Variants in ARL6IP6 observed in about 807,000 individuals in gnomAD.
ARL6IP6 encodes ARF like GTPase 6 interacting protein 6.
Under a neutral mutation model 21.5 loss-of-function variants are expected in ARL6IP6, and 22 were observed. That is an observed-to-expected ratio of 1.02 (90% CI 0.73 to 1.46). The LOEUF is 1.46. Ranked by LOEUF, ARL6IP6 falls within the 40% of genes most tolerant of loss-of-function variation. ARL6IP6 has a pLI of 0.00. For synonymous variants in ARL6IP6, 164 were observed against 125.3 expected, an observed-to-expected ratio of 1.31 and a Z score of -2.06; for missense variants, 388 against 299.8, an observed-to-expected ratio of 1.29 and a Z score of -2.17.
intron 3 of ARL6IP6, among the ~76,000 whole-genome samples, chr2:152,745,267 A>G (rs995877491): frequency 5.9e-5 from 9 of 152,180 alleles, no homozygotes; most frequent in African/African-American, 1.2e-4. Context: ...GTTGAATCAT[A>G]ATATGCAATT....
intron 2 of ARL6IP6, 86 bp downstream of exon 2, chr2:152,720,672 C>T: frequency 8.3e-7 from 1 of 1,200,172 alleles, no homozygotes; most frequent in Non-Finnish European, 1.2e-6. Flanking sequence ...GGATAAAATA[C>T]TTAATGTATT....
Position 152,746,798 on chromosome 2 carries a change from T to C in ARL6IP6, c.587+11672T>C, listed in dbSNP as rs190499386. On this transcript the variant is annotated intron_variant, in intron 3 of 3. Transcript: ENST00000326446. ...GTTATCTTTTCTTGGATAATTGTTA[T>C]TTATCCTGAGATTTTATCCTTTCTT... Among the ~76,000 whole-genome samples, 343 of 150,990 alleles carry C rather than the reference T, an allele frequency of 2.3e-3. 1 individual carries two copies. Among genetic ancestry groups the C allele is most frequent in the African/African-American group, 7.7e-3 (316 of 41,228 alleles).
chr2:152,730,356 A>C (rs1174692992), intron 2 of ARL6IP6, among the ~76,000 whole-genome samples: 4 of 152,158 alleles, frequency 2.6e-5, no homozygotes, highest in Admixed American at 2.6e-4. Flanking sequence ...GTTCTATAGC[A>C]GTCCCCAAAC....
chr2:152,751,063 T>A (rs1226584977), intron 3 of ARL6IP6, among the ~76,000 whole-genome samples: 2 of 152,226 alleles, frequency 1.3e-5, no homozygotes, highest in Admixed American at 1.3e-4. Flanking sequence ...CTTGTTTTTT[T>A]CTTTTACCTC....
chr2:152,743,808 G>C (rs1700924197), intron 3 of ARL6IP6, among the ~76,000 whole-genome samples: 1 of 152,148 alleles, frequency 6.6e-6, no homozygotes, highest in African/African-American at 2.4e-5. Context: ...ATAAAAGTAA[G>C]ATTTCTGGTG....
In ARL6IP6 at chr2:152,722,865, G is replaced by C. The variant is rs146282010; in HGVS notation, c.454+2279G>C. ...GGAGGTTGCAGTGAGCCAAGATTGC[G>C]CCACTGCATTCCATCCTCAGCAACA... On this transcript the variant is annotated intron_variant, in intron 2 of 3. Transcript: ENST00000326446. Among the ~76,000 whole-genome samples, 1,368 of 152,248 alleles carry C rather than the reference G, an allele frequency of 9.0e-3. 19 individuals are homozygous for C. The highest frequency in any genetic ancestry group is 0.031 in the African/African-American group (1,307 of 41,536).
At chr2:152,720,225 T>C (rs1431381296) in intron 1 of ARL6IP6, 2 of 394,224 alleles carry the variant, frequency 5.1e-6, no homozygotes, top group Non-Finnish European at 9.5e-6. Flanking sequence ...CATTGAACTG[T>C]GCTTATTTGG....
intron 2 of ARL6IP6, among the ~76,000 whole-genome samples, chr2:152,726,243 A>G (rs1392303329): frequency 2.0e-5 from 3 of 152,182 alleles, no homozygotes; most frequent in African/African-American, 7.2e-5. Context: ...TTAATCTGTC[A>G]GAGGATCACC....
rs143136872 is a variant in ARL6IP6, at chr2:152,751,883, A to G, written c.588-7864A>G. Among the ~76,000 whole-genome samples, 151 of 152,316 alleles carry G rather than the reference A, an allele frequency of 9.9e-4. 2 individuals carry two copies. In the East Asian group the frequency reaches 0.029, roughly 29 times the overall value. ...TATACTGATTGTCCTTTCTTTGGGT[A>G]AATACCCAGTAGTGGAATTGCTGGA... On this transcript the variant is annotated intron_variant, in intron 3 of 3. Coordinates refer to ENST00000326446, the MANE Select transcript of ARL6IP6 (RefSeq NM_152522.7).
rs111757510 is a variant in ARL6IP6, at chr2:152,751,554, A to G, written c.588-8193A>G. Among the ~76,000 whole-genome samples the G allele has an allele frequency of 5.8e-3, 883 of 152,238 alleles. 12 individuals are homozygous for G. Among genetic ancestry groups the G allele is most frequent in the African/African-American group, 0.02 (817 of 41,528 alleles). On this transcript the variant is annotated intron_variant, in intron 3 of 3. Coordinates refer to ENST00000326446, the MANE Select transcript of ARL6IP6 (RefSeq NM_152522.7). ...TACCCCACCACCCTTCTCAACCTCG[A>G]ATAACCACAGTTCTACCTTCTACTT...
chr2:152,748,464 C>T (rs1701163412), intron 3 of ARL6IP6, among the ~76,000 whole-genome samples: 1 of 152,152 alleles, frequency 6.6e-6, no homozygotes, highest in African/African-American at 2.4e-5. Flanking sequence ...TAACTCCAAA[C>T]AAAGCTTATA....
chr2:152,717,692 T>G (rs1699189469), upstream of ARL6IP6: 5 of 1,398,288 alleles, frequency 3.6e-6, no homozygotes, highest in Admixed American at 3.0e-5. Flanking sequence ...TCGGGAAAAC[T>G]CTACCAACTT....
chr2:152,742,968 C>T (rs1226076344), intron 3 of ARL6IP6, among the ~76,000 whole-genome samples: 1 of 152,222 alleles, frequency 6.6e-6, no homozygotes, highest in Non-Finnish European at 1.5e-5. Context: ...TAACTTACCT[C>T]CTCTGCATTA....
chr2:152,722,849 A>G (rs1056003119), intron 2 of ARL6IP6, among the ~76,000 whole-genome samples: 14 of 152,244 alleles, frequency 9.2e-5, no homozygotes, highest in Non-Finnish European at 2.1e-4. Flanking sequence ...TGGAGGTTGC[A>G]GTGAGCCAAG....
In ARL6IP6 at chr2:152,760,687, A is replaced by G. The variant is rs1416339271; in HGVS notation, c.*847A>G. ...TACTATTTCTGTTTCCACAATTCCAAATATTTATCTTGGTGTATATATTGT... is the reference window on the plus strand; with the variant it reads ...TACTATTTCTGTTTCCACAATTCCAGATATTTATCTTGGTGTATATATTGT... On this transcript the variant is annotated 3_prime_UTR_variant, in exon 4 of 4. Coordinates refer to ENST00000326446, the MANE Select transcript of ARL6IP6 (RefSeq NM_152522.7). 1.3e-5 allele frequency: 2 copies of G among 152,008 alleles called. No homozygotes were observed. Among genetic ancestry groups the G allele is most frequent in the Non-Finnish European group, 2.9e-5 (2 of 67,948 alleles). 9.4% of individuals were successfully genotyped at this position (152,008 alleles called of 1,614,324 possible).
At chr2:152,725,897 G>A (rs1700024251) in intron 2 of ARL6IP6, among the ~76,000 whole-genome samples, 1 of 151,980 alleles carries the variant, frequency 6.6e-6, no homozygotes, top group South Asian at 2.1e-4. Flanking sequence ...CTGTCTTTTT[G>A]CTCTCTAAAT....
rs1476986368 is a variant in ARL6IP6, at chr2:152,761,227, G to A, written c.*1387G>A. ...TCTTTGGTTGGAAATGACTAATACT[G>A]CTCCAATTTAAATTATCTGAAATGT... On this transcript the variant is annotated 3_prime_UTR_variant, in exon 4 of 4. Transcript: ENST00000326446. The A allele has an allele frequency of 2.0e-5, 3 of 151,872 alleles. No homozygotes were observed. The highest frequency in any genetic ancestry group is 4.4e-5 in the Non-Finnish European group (3 of 67,968). 9.4% of individuals were successfully genotyped at this position (151,872 alleles called of 1,614,324 possible). A position where few individuals can be genotyped will look rare whatever the true frequency, so the allele number is the denominator to read the frequency against.
At chr2:152,746,821 C>CTTTTTTTTTTTTTTTTTTTTTTTTTTT (rs61506535) in intron 3 of ARL6IP6, among the ~76,000 whole-genome samples, 1 of 33,082 alleles carries the variant, frequency 3.0e-5, no homozygotes. Flanking sequence ...TTTATCCTTT[C>CTTTTTTTTTTTTTTTTTTTTTTTTTTT]TTTTTTTTTT....
At chr2:152,751,251 A>G (rs928079833) in intron 3 of ARL6IP6, among the ~76,000 whole-genome samples, 1 of 152,200 alleles carries the variant, frequency 6.6e-6, no homozygotes, top group East Asian at 1.9e-4. Flanking sequence ...TTAGTGGAAT[A>G]CAGAATGAAT....
Sources: allele counts gnomAD v4.1 joint callset (sites outside exome capture counted in the v4.1 genomes callset), GRCh38; gene constraint gnomAD v4.1.1; transcripts MANE v1.5; gene names NCBI Gene and HGNC (gene_info 2026-07-23, HGNC 2026-07-21).